GRIK5: variants seen among roughly 807,000 people sequenced by gnomAD.
GRIK5 encodes the protein glutamate receptor ionotropic, kainate 5.
GRIK5 carries 43 observed loss-of-function variants against 97.4 expected under a neutral mutation model. The ratio of observed to expected loss-of-function variants is 0.44; its 90% CI spans 0.35 to 0.57. The LOEUF (loss-of-function observed/expected upper bound fraction) is 0.57. GRIK5 is among the 20% of genes least tolerant of loss of function. The pLI, the probability that GRIK5 is intolerant of heterozygous loss-of-function variation, is 0.01. For missense variants in GRIK5, 1,015 were observed against 1,382.0 expected, an observed-to-expected ratio of 0.73 and a Z score of 4.21; for synonymous variants, 580 against 583.5, an observed-to-expected ratio of 0.99 and a Z score of 0.09.
chr19:42,050,002 T>C (rs2076091340), intron 11 of GRIK5, among the ~76,000 whole-genome samples: 1 of 152,144 alleles, frequency 6.6e-6, no homozygotes, highest in Non-Finnish European at 1.5e-5. Flanking sequence ...TGATCTGGGC[T>C]CACTGCAGCC....
intron 15 of GRIK5, among the ~76,000 whole-genome samples, chr19:42,010,525 A>C (rs1403757684): frequency 1.3e-5 from 2 of 152,242 alleles, no homozygotes; most frequent in Admixed American, 1.3e-4. Flanking sequence ...AACATGCTGA[A>C]AGAAAAATCA....
chr19:42,039,449 C>T (rs980864883), intron 12 of GRIK5, among the ~76,000 whole-genome samples: 1 of 152,152 alleles, frequency 6.6e-6, no homozygotes, highest in Non-Finnish European at 1.5e-5. Flanking sequence ...CTCCAGCCTG[C>T]CTGGGCAGCA....
In GRIK5 at chr19:42,065,358, C is replaced by T. The variant is rs755185354; in HGVS notation, c.109G>A (p.Gly37Ser). ...AAILDDQTVCGRGERLALALA... is the reference protein window; with the variant it reads ...AAILDDQTVCSRGERLALALA... ...GCCAAGGCCAGACGCTCACCGCGGCCACACACTGTCTGATCATCCAGGATT... is the reference window on the plus strand; with the variant it reads ...GCCAAGGCCAGACGCTCACCGCGGCTACACACTGTCTGATCATCCAGGATT... The change falls in exon 3 of 20, where the codon GGC (glycine) becomes AGC (serine). Residue 37 changes from glycine to serine, a missense_variant. Around this residue, in one of 5 missense-constraint regions of GRIK5, gnomAD observed 198 missense variants for 218.2 expected, o/e 0.91. Transcript: ENST00000593562. This position sits in a 1 kb window ranked among gnomAD's most constrained non-coding sequence, Gnocchi z 5.8. 1.9e-6 allele frequency: 3 copies of T among 1,600,724 alleles called. No individual in the cohort carries two copies. In the South Asian group the frequency reaches 3.3e-5, roughly 18 times the overall value.
chr19:41,999,006 G>A lies in GRIK5; in HGVS notation c.2808C>T (p.Cys936=). 3 of 1,203,148 alleles carry A rather than the reference G, an allele frequency of 2.5e-6. No individual in the cohort carries two copies. Among genetic ancestry groups the A allele is most frequent in the Non-Finnish European group, 2.1e-6 (2 of 963,098 alleles). The allele number at this position is 1,203,148 out of a possible 1,614,324, so 74.5% of individuals were successfully genotyped here. Residue 936 remains cysteine, a synonymous_variant, in exon 20 of 20, where the codon TGC becomes TGT. Coordinates refer to ENST00000593562, the MANE Select transcript of GRIK5 (RefSeq NM_002088.5). The surrounding 1 kb of genome is among the most constrained non-coding windows in gnomAD (Gnocchi z 5.0). The part of the protein sequence containing the change: ...PCTHVRVCQE[C]RRIQALRASG... The stretch of plus-strand genomic sequence containing the variant: ...AGGCCCGCAGCGCCTGGATGCGCCG[G>A]CACTCCTGGCAGACGCGCACGTGGG...
intron 12 of GRIK5, among the ~76,000 whole-genome samples, chr19:42,024,806 G>C (rs2075749467): frequency 6.6e-6 from 1 of 152,130 alleles, no homozygotes; most frequent in Non-Finnish European, 1.5e-5. Context: ...CTGTAGAGCT[G>C]GATCCCATCC....
At chr19:42,060,363 A>C (rs1214960606) in intron 5 of GRIK5, among the ~76,000 whole-genome samples, 5 of 152,122 alleles carry the variant, frequency 3.3e-5, no homozygotes, top group Non-Finnish European at 5.9e-5. Flanking sequence ...TTGGGCAACA[A>C]ACACCGCAAA....
At chr19:42,019,247 T>A (rs1182449017) in intron 15 of GRIK5, among the ~76,000 whole-genome samples, 1 of 152,038 alleles carries the variant, frequency 6.6e-6, no homozygotes, top group East Asian at 1.9e-4. Context: ...TCCCAGCACC[T>A]CACACACCTG....
At chr19:42,037,326 G>T (rs778388078) in intron 12 of GRIK5, among the ~76,000 whole-genome samples, 1 of 152,178 alleles carries the variant, frequency 6.6e-6, no homozygotes, top group East Asian at 1.9e-4. Context: ...GGGCATTGTG[G>T]TGCATTCCTA....
At chr19:42,023,482 G>A (rs572678222) in intron 12 of GRIK5, among the ~76,000 whole-genome samples, 3 of 152,150 alleles carry the variant, frequency 2.0e-5, no homozygotes, top group South Asian at 2.1e-4. Context: ...CCCACTGGGG[G>A]TCTGTCCTAG....
rs1019464814 is a variant in GRIK5 at position 42,002,794 on chromosome 19, G to T, written c.2514+538C>A. 1.5e-4 allele frequency among the ~76,000 whole-genome samples: 23 copies of T among 152,094 alleles called. No homozygotes were observed. The highest frequency in any genetic ancestry group is 2.4e-4 in the Non-Finnish European group (16 of 68,004). On this transcript the variant is annotated intron_variant, in intron 19 of 19. Transcript: ENST00000593562. The surrounding 1 kb of genome is among the most constrained non-coding windows in gnomAD (Gnocchi z 5.2). ...TCTGTCACCCAGGCTGGAGTGCAGT[G>T]GTGCAATCTCAGCTTACTGCAATCT... is the stretch of plus-strand genomic sequence containing the variant.
At chr19:42,005,081 T>C (rs1350973415) in intron 17 of GRIK5, among the ~76,000 whole-genome samples, 2 of 151,946 alleles carry the variant, frequency 1.3e-5, no homozygotes, top group African/African-American at 2.4e-5. Flanking sequence ...ACATAAATGA[T>C]TTTAAAAGCC....
At chr19:42,055,921 G>T (rs1005099227) in intron 8 of GRIK5, among the ~76,000 whole-genome samples, 1 of 152,000 alleles carries the variant, frequency 6.6e-6, no homozygotes, top group African/African-American at 2.4e-5. Context: ...GGACTAAAGT[G>T]ATCCTCCTGC....
chr19:42,050,599 A>G (rs1203901003), intron 11 of GRIK5, among the ~76,000 whole-genome samples: 1 of 150,518 alleles, frequency 6.6e-6, no homozygotes, highest in Non-Finnish European at 1.5e-5. Flanking sequence ...CGGAGCTTGC[A>G]GTGAGCCGAG....
At position 42,062,329 on chromosome 19, in the gene GRIK5, A is replaced by T. The variant is rs947395407; in HGVS notation, c.508+159T>A. Among the ~76,000 whole-genome samples, 3 of 152,156 alleles carry T rather than the reference A, an allele frequency of 2.0e-5. No homozygotes were observed. Among genetic ancestry groups the T allele is most frequent in the Non-Finnish European group, 2.9e-5 (2 of 68,022 alleles). On this transcript the variant is annotated intron_variant, in intron 5 of 19. Coordinates refer to ENST00000593562, the MANE Select transcript of GRIK5 (RefSeq NM_002088.5). This position sits in a 1 kb window ranked among gnomAD's most constrained non-coding sequence, Gnocchi z 5.3. ...CTCTTTGGGGAGAGAAGGGGTCTGT[A>T]GAACCAGAGGCCTCGGTTTCTGAAG...
intron 5 of GRIK5, among the ~76,000 whole-genome samples, chr19:42,060,809 T>C (rs2076248760): frequency 6.6e-6 from 1 of 151,154 alleles, no homozygotes; most frequent in Non-Finnish European, 1.5e-5. Context: ...ACCTTCTCAA[T>C]GAGGCCCTCG....
rs2064086011 is a variant in GRIK5 at position 42,062,468 on chromosome 19, A to C, written c.508+20T>G. On this transcript the variant is annotated intron_variant, in intron 5 of 19. Coordinates refer to ENST00000593562, the MANE Select transcript of GRIK5 (RefSeq NM_002088.5). The surrounding 1 kb of genome is among the most constrained non-coding windows in gnomAD (Gnocchi z 5.3). Reference sequence around the variant, plus strand: ...GGGTGTCTGGGGGAACAGAAAACAAAACATTCAGTTCTCCCTCACACTCAG... The same window carrying C: ...GGGTGTCTGGGGGAACAGAAAACAACACATTCAGTTCTCCCTCACACTCAG... The C allele has an allele frequency of 6.2e-7, 1 of 1,613,132 alleles. No homozygotes were observed. Among genetic ancestry groups the C allele is most frequent in the African/African-American group, 1.3e-5 (1 of 74,886 alleles).
At chr19:42,034,232 G>A (rs568509428) in intron 12 of GRIK5, among the ~76,000 whole-genome samples, 19 of 152,136 alleles carry the variant, frequency 1.2e-4, no homozygotes, top group East Asian at 9.7e-4. Context: ...GTGATGGAGC[G>A]TGCCTGTAAT....
chr19:42,023,054 A>G (rs944118527), intron 12 of GRIK5, among the ~76,000 whole-genome samples: 3 of 151,940 alleles, frequency 2.0e-5, no homozygotes, highest in Non-Finnish European at 4.4e-5. Flanking sequence ...ACAAATGATA[A>G]CCACCAGGTA....
At chr19:42,030,484 G>T (rs549839863) in intron 12 of GRIK5, among the ~76,000 whole-genome samples, 6 of 151,436 alleles carry the variant, frequency 4.0e-5, no homozygotes, top group African/African-American at 1.5e-4. Context: ...TTTCAGACAG[G>T]GTCTTGCCCT....
Sources: gnomAD v4.1 joint callset for allele counts (sites outside exome capture counted in the v4.1 genomes callset) on GRCh38, gnomAD v4.1.1 for gene constraint, gnomAD v4.1.1 regional missense constraint, Gnocchi (gnomAD v3.1) non-coding constraint, MANE v1.5 for transcripts, NCBI Gene and HGNC (gene_info 2026-07-23, HGNC 2026-07-21) for gene names.